SRP54: variants seen among roughly 807,000 people sequenced by gnomAD.
SRP54 encodes signal recognition particle subunit SRP54.
Under a neutral mutation model 64.8 loss-of-function variants are expected in SRP54, and 10 were observed. That is an observed-to-expected ratio of 0.15 (90% CI 0.10 to 0.26). The LOEUF is 0.26. Among genes scored for constraint, SRP54 ranks in the 10% least tolerant of loss-of-function variants. The pLI, the probability that SRP54 is intolerant of heterozygous loss-of-function variation, is 1.00. For synonymous variants in SRP54, 193 were observed against 185.6 expected (o/e 1.04, Z -0.32); for missense variants, 325 against 613.7 (o/e 0.53, Z 4.97).
At chr14:35,011,028 G>A (rs1049501187) in intron 7 of SRP54, among the ~76,000 whole-genome samples, 1 of 152,118 alleles carries the variant, frequency 6.6e-6, no homozygotes. Context: ...ATGGACTCAA[G>A]TGGTCCTCCT....
intron 14 of SRP54, among the ~76,000 whole-genome samples, chr14:35,026,102 T>C (rs1305715983): frequency 6.6e-6 from 1 of 152,116 alleles, no homozygotes; most frequent in African/African-American, 2.4e-5. Flanking sequence ...TTCATTGTTG[T>C]AGTGATGATC....
At chr14:35,024,022 A>G (rs1173787308) in intron 14 of SRP54, among the ~76,000 whole-genome samples, 8 of 151,850 alleles carry the variant, frequency 5.3e-5, no homozygotes, top group Non-Finnish European at 1.2e-4. Flanking sequence ...AATTTCCATT[A>G]TATTTCTTTA....
At chr14:35,011,767 T>A (rs2044360529) in intron 8 of SRP54, 108 bp downstream of exon 8, 1 of 1,002,888 alleles carries the variant, frequency 1.0e-6, no homozygotes, top group African/African-American at 1.7e-5. Flanking sequence ...GTGAGGCAGA[T>A]CCCCAGTAAT....
intron 1 of SRP54, among the ~76,000 whole-genome samples, chr14:34,990,501 A>C (rs964520799): frequency 6.6e-6 from 1 of 152,218 alleles, no homozygotes; most frequent in African/African-American, 2.4e-5. Context: ...TAGATGTTCA[A>C]CTGTAAGAAA....
At chr14:35,003,275 T>C (rs532288237) in intron 4 of SRP54, among the ~76,000 whole-genome samples, 15 of 152,276 alleles carry the variant, frequency 9.9e-5, no homozygotes, top group Non-Finnish European at 5.9e-5. Flanking sequence ...TATTTGACTT[T>C]TGTACTATGT....
intron 11 of SRP54, among the ~76,000 whole-genome samples, chr14:35,016,509 A>G (rs1419506811): frequency 6.6e-6 from 1 of 152,132 alleles, no homozygotes; most frequent in Non-Finnish European, 1.5e-5. Context: ...CTCTGCCATC[A>G]TCTCCTCTGG....
intron 1 of SRP54, among the ~76,000 whole-genome samples, chr14:34,984,792 A>G (rs1475885296): frequency 6.6e-6 from 1 of 151,980 alleles, no homozygotes; most frequent in Admixed American, 6.6e-5. Flanking sequence ...GTGAGCCACC[A>G]TGCCCTGCCT....
chr14:34,999,923 T>G, intron 3 of SRP54: 2 of 221,496 alleles, frequency 9.0e-6, no homozygotes, highest in South Asian at 2.1e-4. Context: ...AAATACTGTA[T>G]AGTATTTTAA....
chr14:35,012,882 A>C (rs1459137482), intron 8 of SRP54, among the ~76,000 whole-genome samples: 2 of 151,874 alleles, frequency 1.3e-5, no homozygotes, highest in African/African-American at 4.8e-5. Context: ...ACCTGATAAT[A>C]CATAGTACTT....
chr14:35,015,395 G>A (rs1214034153), intron 11 of SRP54, among the ~76,000 whole-genome samples: 1 of 151,636 alleles, frequency 6.6e-6, no homozygotes, highest in Non-Finnish European at 1.5e-5. Flanking sequence ...AAGTTAAACA[G>A]GTTAAAAGTA....
intron 12 of SRP54, 64 bp downstream of exon 12, chr14:35,018,829 C>G (rs539614400): frequency 6.7e-7 from 1 of 1,495,536 alleles, no homozygotes; most frequent in African/African-American, 1.4e-5. Context: ...AATAGATACA[C>G]TTGCTTTAAT....
chr14:34,993,443 G>A (rs2044014426), intron 1 of SRP54: 1 of 152,042 alleles, frequency 6.6e-6, no homozygotes, highest in Admixed American at 6.6e-5. Flanking sequence ...AAATCTTATG[G>A]TAAGCAATTT....
At chr14:35,026,020 C>T (rs1297088983) in intron 14 of SRP54, among the ~76,000 whole-genome samples, 1 of 146,124 alleles carries the variant, frequency 6.8e-6, no homozygotes, top group Non-Finnish European at 1.5e-5. Context: ...CAGAGCACTG[C>T]ATTCCAGCCT....
At chr14:35,008,852 T>G (rs757893920) in intron 7 of SRP54, 21 bp downstream of exon 7, 31 of 1,557,488 alleles carry the variant, frequency 2.0e-5, no homozygotes, top group Non-Finnish European at 2.7e-5. Context: ...GTTTTTTATT[T>G]TAACACTTAT....
intron 4 of SRP54, among the ~76,000 whole-genome samples, chr14:35,005,793 C>T (rs2044247857): frequency 6.6e-6 from 1 of 152,150 alleles, no homozygotes; most frequent in African/African-American, 2.4e-5. Context: ...TTTCAAGCTC[C>T]AAACAACTGA....
intron 8 of SRP54, among the ~76,000 whole-genome samples, 196 bp from the exon 9 acceptor site, chr14:35,013,150 G>A (rs1200771330): frequency 6.6e-6 from 1 of 151,826 alleles, no homozygotes; most frequent in Non-Finnish European, 1.5e-5. Context: ...TAGAGACGGG[G>A]TTTTCACCAT....
intron 7 of SRP54, among the ~76,000 whole-genome samples, chr14:35,009,071 A>G (rs984696329): frequency 2.0e-5 from 3 of 151,930 alleles, no homozygotes; most frequent in African/African-American, 7.2e-5. Flanking sequence ...TATTTTTAGT[A>G]GAGACAGGGT....
intron 7 of SRP54, among the ~76,000 whole-genome samples, chr14:35,010,141 C>T (rs1359155484): frequency 6.6e-6 from 1 of 150,744 alleles, no homozygotes; most frequent in African/African-American, 2.4e-5. Context: ...GAGCTAGACA[C>T]CGTTTAAAAA....
intron 10 of SRP54, among the ~76,000 whole-genome samples, 177 bp downstream of exon 10, chr14:35,014,079 A>G (rs1378150480): frequency 6.6e-6 from 1 of 152,134 alleles, no homozygotes; most frequent in African/African-American, 2.4e-5. Context: ...TGAAAGTGGT[A>G]AAATGAGGTA....
Sources: gnomAD v4.1 joint callset for allele counts (sites outside exome capture counted in the v4.1 genomes callset) on GRCh38, gnomAD v4.1.1 for gene constraint, MANE v1.5 for transcripts, NCBI Gene and HGNC (gene_info 2026-07-23, HGNC 2026-07-21) for gene names.